The following USP2 variants were observed in gnomAD, a reference collection of about 807,000 sequenced individuals.
USP2 encodes the protein ubiquitin carboxyl-terminal hydrolase 2.
Under a neutral mutation model 72.0 loss-of-function variants are expected in USP2, and 33 were observed. The ratio of observed to expected loss-of-function variants is 0.46; its 90% CI spans 0.35 to 0.61. USP2 has a LOEUF of 0.61. Among genes scored for constraint, USP2 ranks in the 20% least tolerant of loss-of-function variants. The pLI, the probability that USP2 is intolerant of heterozygous loss-of-function variation, is 0.01. For synonymous variants in USP2, 296 were observed against 312.5 expected (o/e 0.95, Z 0.56); for missense variants, 691 against 797.8 (o/e 0.87, Z 1.61).
intron 1 of USP2, among the ~76,000 whole-genome samples, chr11:119,375,376 C>T (rs571329066): frequency 6.6e-6 from 1 of 152,350 alleles, no homozygotes; most frequent in East Asian, 1.9e-4. Flanking sequence ...TCAGTCCAGG[C>T]TGACATCAGA....
intron 2 of USP2, 71 bp downstream of exon 2, chr11:119,372,636 C>G: frequency 2.1e-6 from 3 of 1,435,062 alleles, no homozygotes; most frequent in Non-Finnish European, 2.8e-6. Flanking sequence ...GGGAGTCGAG[C>G]CCTCAGCCTG....
At chr11:119,361,245 T>C (rs1228514566) in intron 2 of USP2, among the ~76,000 whole-genome samples, 2 of 152,200 alleles carry the variant, frequency 1.3e-5, no homozygotes, top group African/African-American at 4.8e-5. Flanking sequence ...TGGCTGAAAT[T>C]GCCACTCTTG....
chr11:119,367,171 G>C (rs1027735657), intron 2 of USP2, among the ~76,000 whole-genome samples: 2 of 152,188 alleles, frequency 1.3e-5, no homozygotes, highest in African/African-American at 4.8e-5. Context: ...CTGGCTCAGT[G>C]ACTCTCTGTG....
chr11:119,369,169 T>G (rs2217380), intron 2 of USP2, among the ~76,000 whole-genome samples: 10,823 of 152,184 alleles, frequency 0.071, 835 homozygotes, highest in Admixed American at 0.25. Flanking sequence ...GAAGGTGAAG[T>G]CTCAGGGGAG....
At chr11:119,377,578 C>T (rs1332406447) in intron 1 of USP2, among the ~76,000 whole-genome samples, 1 of 152,216 alleles carries the variant, frequency 6.6e-6, no homozygotes, top group African/African-American at 2.4e-5. Flanking sequence ...CAAGCCCCTG[C>T]ATGTCCCCTG....
In USP2 at chr11:119,376,117, G is replaced by C. The variant is rs534552744; in HGVS notation, c.-41-2596C>G. 63 of 941,538 alleles carry C rather than the reference G, an allele frequency of 6.7e-5. 1 individual carries two copies. The highest frequency in any genetic ancestry group is 5.5e-4 in the Middle Eastern group (1 of 1,826). The allele number at this position is 941,538 out of a possible 1,614,324, so 58.3% of individuals were successfully genotyped here. On this transcript the variant is annotated intron_variant, in intron 1 of 12. Transcript: ENST00000260187. ...GCGGAGAGGGTTCCTACTGGGGCCG[G>C]GGCCTTCCACATGTCTCTCCCCTCC...
intron 2 of USP2, chr11:119,364,179 C>G (rs994769395): frequency 1.3e-5 from 15 of 1,186,602 alleles, no homozygotes; most frequent in African/African-American, 1.6e-5. Flanking sequence ...GCCAACAGCC[C>G]GGGTCCCGGC....
chr11:119,361,363 T>C (rs967228104), intron 2 of USP2, among the ~76,000 whole-genome samples: 1 of 152,144 alleles, frequency 6.6e-6, no homozygotes, highest in Non-Finnish European at 1.5e-5. Flanking sequence ...CCTGGGCATA[T>C]CTCCAAGGAG....
At chr11:119,376,211 C>T (rs537908972) in intron 1 of USP2, 381 of 985,516 alleles carry the variant, frequency 3.9e-4, no homozygotes, top group Non-Finnish European at 4.3e-4. Context: ...GGGTTGGTGC[C>T]CCTTGGCATT....
Position 119,357,232 on chromosome 11 carries a change from C to G in USP2, c.1685G>C (p.Cys562Ser), listed in dbSNP as rs1028913555. The G allele has an allele frequency of 6.2e-7, 1 of 1,613,818 alleles. No homozygotes were observed. The highest frequency in any genetic ancestry group is 8.5e-7 in the Non-Finnish European group (1 of 1,179,980). ...CCATTCTCCTGTCCCTGGACTGCGA[C>G]AGTAGGCTGTATAGTGGCCACCCAT... ...TTMGGHYTAYCRSPGTGEWHT... is the reference protein window; with the variant it reads ...TTMGGHYTAYSRSPGTGEWHT... The change falls in exon 12 of 13, where the codon TGT (cysteine) becomes TCT (serine). Residue 562 changes from cysteine (C) to serine (S), a missense_variant. Coordinates refer to ENST00000260187, the MANE Select transcript of USP2 (RefSeq NM_004205.5).
intron 7 of USP2, 138 bp from the exon 8 acceptor site, chr11:119,358,390 C>T (rs1382268753): frequency 2.6e-6 from 2 of 773,130 alleles, no homozygotes; most frequent in South Asian, 3.4e-5. Context: ...AATCTCAGCT[C>T]ACAACAACCT....
At chr11:119,360,617 G>A (rs561891891) in intron 2 of USP2, among the ~76,000 whole-genome samples, 1 of 152,152 alleles carries the variant, frequency 6.6e-6, no homozygotes, top group South Asian at 2.1e-4. Context: ...TAGAGACAGG[G>A]TTTCGTCATG....
At position 119,356,859 on chromosome 11, in the gene USP2, C is replaced by A. The variant is rs984799653; in HGVS notation, c.1794G>T (p.Leu598=). Residue 598 remains leucine, a synonymous_variant, in exon 13 of 13, where the codon CTG becomes CTT. Coordinates refer to ENST00000260187, the MANE Select transcript of USP2 (RefSeq NM_004205.5). The part of the protein sequence containing the change: ...TSDAYLLFYE[L]ASPPSRM ...GCTACATTCGGGAGGGCGGGCTGGC[C>A]AGTTCGTAGAAGAGCAGGTAGGCGT... 7 of 1,565,932 alleles carry A rather than the reference C, an allele frequency of 4.5e-6. No individual in the cohort carries two copies. Among genetic ancestry groups the A allele is most frequent in the Non-Finnish European group, 6.1e-6 (7 of 1,155,598 alleles).
At chr11:119,361,420 G>A (rs1950763164) in intron 2 of USP2, among the ~76,000 whole-genome samples, 1 of 152,206 alleles carries the variant, frequency 6.6e-6, no homozygotes, top group Non-Finnish European at 1.5e-5. Flanking sequence ...GTTTGCAGAT[G>A]AGTCTGCCAC....
intron 2 of USP2, among the ~76,000 whole-genome samples, chr11:119,363,512 C>CG (rs1318488758): frequency 6.6e-6 from 1 of 152,100 alleles, no homozygotes; most frequent in African/African-American, 2.4e-5. Context: ...GTGCTGCCCT[C>CG]GCACACCGAT....
Position 119,381,610 on chromosome 11 carries a change from T to A in USP2, c.-179A>T. ...CCCGGCCTCGGCTCCTGCCTGACTC[T>A]CTCCCACCTCCGCCGGGGGCCCAGA... is the stretch of plus-strand genomic sequence containing the variant. On this transcript the variant is annotated 5_prime_UTR_variant, in exon 1 of 13. Coordinates refer to ENST00000260187, the MANE Select transcript of USP2 (RefSeq NM_004205.5). The A allele has an allele frequency of 1.4e-6, 2 of 1,480,282 alleles. No individual in the cohort carries two copies. Among genetic ancestry groups the A allele is most frequent in the East Asian group, 2.5e-5 (1 of 40,534 alleles). The allele number at this position is 1,480,282 out of a possible 1,614,324, so 91.7% of individuals were successfully genotyped here.
chr11:119,379,101 T>C (rs1294776952), intron 1 of USP2: 2 of 985,404 alleles, frequency 2.0e-6, no homozygotes, highest in Non-Finnish European at 2.4e-6. Flanking sequence ...AGCCTGACTC[T>C]GGGCTGGGTA....
chr11:119,381,423 G>T (rs1951056734), intron 1 of USP2, 50 bp downstream of exon 1: 1 of 1,526,136 alleles, frequency 6.6e-7, no homozygotes, highest in Middle Eastern at 1.7e-4. Context: ...CTCCAAACCG[G>T]CACTGATCCC....
In USP2 at chr11:119,381,495, C is replaced by G. The variant is rs776249379; in HGVS notation, c.-64G>C. The G allele has an allele frequency of 6.5e-7, 1 of 1,536,064 alleles. No individual in the cohort carries two copies. Among genetic ancestry groups the G allele is most frequent in the East Asian group, 2.4e-5 (1 of 40,934 alleles). On this transcript the variant is annotated 5_prime_UTR_variant, in exon 1 of 13. Coordinates refer to ENST00000260187, the MANE Select transcript of USP2 (RefSeq NM_004205.5). Reference sequence around the variant, plus strand: ...TACCTGCCTCTTCTTGGAGTATGGACGAGTCGAACCGGGCACAAGCATGGA... The same window carrying G: ...TACCTGCCTCTTCTTGGAGTATGGAGGAGTCGAACCGGGCACAAGCATGGA...
Sources: gnomAD v4.1 joint callset for allele counts (sites outside exome capture counted in the v4.1 genomes callset) on GRCh38, gnomAD v4.1.1 for gene constraint, MANE v1.5 for transcripts, NCBI Gene and HGNC (gene_info 2026-07-23, HGNC 2026-07-21) for gene names.